RASGEF1B: variants seen among roughly 807,000 people sequenced by gnomAD.
The protein encoded by RASGEF1B is RasGEF domain family member 1B, also known as ras-GEF domain-containing family member 1B.
In RASGEF1B, 30 loss-of-function variants were observed where a neutral mutation model predicts 65.7. That is an observed-to-expected ratio of 0.46 (90% confidence interval 0.34 to 0.62). The LOEUF is 0.62. RASGEF1B is among the 20% of genes least tolerant of loss of function. The probability of loss-of-function intolerance (pLI) is 0.01; values close to 1 mark genes in which losing one functional copy is unlikely to be tolerated. For missense variants in RASGEF1B, 495 were observed against 580.1 expected, an observed-to-expected ratio of 0.85 and a Z score of 1.51; for synonymous variants, 175 against 194.8, an observed-to-expected ratio of 0.90 and a Z score of 0.85.
Position 81,456,777 on chromosome 4 carries a change from T to G in RASGEF1B, c.312A>C (p.Arg104Ser). ...GTTGAAGGATTTTGGGTGCAATTTT[T>G]CTCATCTGGTTCTAGGGAGAAATAG... ...SDPDSDKNQM[R>S]KIAPKILQLL... The change falls in exon 4 of 14, where the codon AGA becomes AGC. Residue 104 changes from arginine to serine, a missense_variant. By Grantham distance (110) the Arg-to-Ser change is moderately radical. Coordinates refer to ENST00000264400, the MANE Select transcript of RASGEF1B (RefSeq NM_152545.3). 6.2e-7 allele frequency: 1 copy of G among 1,610,880 alleles called. No individual in the cohort carries two copies. The highest frequency in any genetic ancestry group is 8.5e-7 in the Non-Finnish European group (1 of 1,178,578).
At chr4:81,434,762 T>C (rs776020109) in intron 10 of RASGEF1B, 28 bp from the exon 11 acceptor site, 20 of 1,176,564 alleles carry the variant, frequency 1.7e-5, no homozygotes, top group Admixed American at 3.5e-5. Flanking sequence ...TTCTGGTTGG[T>C]CTGGGCAAAC....
At chr4:81,470,267 T>C (rs773172203) in intron 1 of RASGEF1B, among the ~76,000 whole-genome samples, 7 of 152,228 alleles carry the variant, frequency 4.6e-5, no homozygotes, top group Non-Finnish European at 7.3e-5. Flanking sequence ...CTAAATCTCA[T>C]GGGACCAGTT....
chr4:81,460,619 T>A (rs1383582424), intron 1 of RASGEF1B, among the ~76,000 whole-genome samples: 1 of 152,206 alleles, frequency 6.6e-6, no homozygotes, highest in Non-Finnish European at 1.5e-5. Flanking sequence ...TCCTTGAGCA[T>A]CTGTTCCAGC....
intron 2 of RASGEF1B, 65 bp downstream of exon 2, chr4:81,459,267 T>C (rs931183394): frequency 6.5e-6 from 8 of 1,231,858 alleles, no homozygotes; most frequent in Non-Finnish European, 6.7e-6. Flanking sequence ...CTATGGTCCC[T>C]GCCTACTGTA....
chr4:81,441,316 C>T (rs1395464688), intron 9 of RASGEF1B, among the ~76,000 whole-genome samples: 1 of 152,018 alleles, frequency 6.6e-6, no homozygotes, highest in African/African-American at 2.4e-5. Flanking sequence ...AGTGACAAAT[C>T]ATGCACAAAT....
At chr4:81,465,988 T>C (rs1309107131) in intron 1 of RASGEF1B, among the ~76,000 whole-genome samples, 1 of 152,234 alleles carries the variant, frequency 6.6e-6, no homozygotes, top group Non-Finnish European at 1.5e-5. Flanking sequence ...AAATATTTAA[T>C]AAATCCAATG....
At chr4:81,453,387 TG>T (rs1387606891) in intron 4 of RASGEF1B, 1 of 152,214 alleles carries the variant, frequency 6.6e-6, no homozygotes, top group Non-Finnish European at 1.5e-5. Context: ...CACATCCTCC[TG>T]TATACTTTAA....
At position 81,456,723 on chromosome 4, in the gene RASGEF1B, G is replaced by A. The variant is rs539251703; in HGVS notation, c.366C>T (p.Pro122=). 24 of 1,613,938 alleles carry A rather than the reference G, an allele frequency of 1.5e-5. No individual in the cohort carries two copies. The highest frequency in any genetic ancestry group is 1.9e-5 in the Non-Finnish European group (22 of 1,179,922). Reference sequence around the variant, plus strand: ...TCATTCTTTCATCCCGAAAATCATAGGGAAATGTTTCCGTCCATTCCGTGA... The same window carrying A: ...TCATTCTTTCATCCCGAAAATCATAAGGAAATGTTTCCGTCCATTCCGTGA... ...QLLTEWTETF[P]YDFRDERMMR... The change falls in exon 4 of 14, where the codon CCC becomes CCT. Residue 122 remains proline, a synonymous_variant. Transcript: ENST00000264400.
chr4:81,457,654 A>G (rs1433506631), intron 2 of RASGEF1B, 33 bp from the exon 3 acceptor site: 2 of 1,608,648 alleles, frequency 1.2e-6, no homozygotes, highest in South Asian at 1.1e-5. Context: ...TCATCGTTAC[A>G]TTCTCTCTGA....
chr4:81,436,930 A>G (rs544238617), intron 10 of RASGEF1B, among the ~76,000 whole-genome samples: 31 of 152,338 alleles, frequency 2.0e-4, no homozygotes, highest in African/African-American at 6.7e-4. Flanking sequence ...ATCATTTGTT[A>G]TTATCTCGGA....
chr4:81,456,897 G>C, intron 3 of RASGEF1B, 109 bp from the exon 4 acceptor site: 1 of 996,868 alleles, frequency 1.0e-6, no homozygotes, highest in Non-Finnish European at 1.5e-6. Context: ...AAGTCTTTAG[G>C]GATGAAGAAG....
At position 81,462,899 on chromosome 4, in the gene RASGEF1B, C is replaced by T. The variant is rs1200340459; in HGVS notation, c.-6-3385G>A. ...TACAACCACCTCATCTGGCAGGCAT[C>T]CCCATCTTTTTTTTGACTATATAAG... is the stretch of plus-strand genomic sequence containing the variant. On this transcript the variant is annotated intron_variant, in intron 1 of 13. Transcript: ENST00000264400. Among the ~76,000 whole-genome samples the T allele has an allele frequency of 3.3e-5, 5 of 152,146 alleles. No homozygotes were observed. In the South Asian group the frequency reaches 8.3e-4, roughly 25 times the overall value.
intron 1 of RASGEF1B, among the ~76,000 whole-genome samples, chr4:81,467,879 T>C (rs1722896037): frequency 6.6e-6 from 1 of 152,196 alleles, no homozygotes; most frequent in Admixed American, 6.5e-5. Context: ...CATCATTACC[T>C]AATTGAGTGC....
intron 12 of RASGEF1B, among the ~76,000 whole-genome samples, chr4:81,433,184 G>A (rs549703951): frequency 7.3e-5 from 11 of 150,868 alleles, no homozygotes; most frequent in Non-Finnish European, 1.2e-4. Flanking sequence ...AGCTGTGATC[G>A]TGCCACTGCG....
chr4:81,466,112 T>C (rs28544156), intron 1 of RASGEF1B, among the ~76,000 whole-genome samples: 44,898 of 151,992 alleles, frequency 0.3, 8,272 homozygotes, highest in African/African-American at 0.51. Context: ...AGCTGAACTT[T>C]GAAAGCATAT....
At chr4:81,434,007 A>G in intron 11 of RASGEF1B, 44 bp from the exon 12 acceptor site, 1 of 1,548,792 alleles carries the variant, frequency 6.5e-7, no homozygotes, top group Non-Finnish European at 8.9e-7. Flanking sequence ...ATCATAAAAA[A>G]ATAATTATGA....
At chr4:81,437,976 CAGG>C (rs1279884735) in intron 10 of RASGEF1B, among the ~76,000 whole-genome samples, 1 of 152,160 alleles carries the variant, frequency 6.6e-6, no homozygotes, top group Admixed American at 6.5e-5. Flanking sequence ...ATGTTTTTAG[CAGG>C]AGAACTTCTC....
chr4:81,469,391 C>G (rs1296327473), intron 1 of RASGEF1B, among the ~76,000 whole-genome samples: 1 of 152,152 alleles, frequency 6.6e-6, no homozygotes, highest in Non-Finnish European at 1.5e-5. Context: ...TCCAGGTACT[C>G]TGCGGATATT....
intron 1 of RASGEF1B, among the ~76,000 whole-genome samples, chr4:81,459,956 T>C (rs764789905): frequency 2.6e-5 from 4 of 152,228 alleles, no homozygotes; most frequent in African/African-American, 9.6e-5. Flanking sequence ...CTATCTGAAG[T>C]ACTGGAAGAC....
Sources: allele counts gnomAD v4.1 joint callset (sites outside exome capture counted in the v4.1 genomes callset), GRCh38; gene constraint gnomAD v4.1.1; transcripts MANE v1.5; gene names NCBI Gene and HGNC (gene_info 2026-07-23, HGNC 2026-07-21).